Variants in RANBP2 observed in about 807,000 individuals in gnomAD.
The protein encoded by RANBP2 is E3 SUMO-protein ligase RanBP2.
In RANBP2, 57 loss-of-function variants were observed where a neutral mutation model predicts 303.6. The ratio of observed to expected loss-of-function variants is 0.19; its 90% confidence interval spans 0.15 to 0.23. The LOEUF (loss-of-function observed/expected upper bound fraction) is 0.23. Among genes scored for constraint, RANBP2 ranks in the 10% least tolerant of loss-of-function variants. The pLI is 1.00. For synonymous variants in RANBP2, 1,167 were observed against 1,301.5 expected (o/e 0.90, Z 2.23); for missense variants, 3,138 against 3,780.8 (o/e 0.83, Z 4.46).
chr2:109,657,923 T>C, the RANBP2 span, among the ~76,000 whole-genome samples: 2 of 151,738 alleles, frequency 1.3e-5, no homozygotes, highest in Non-Finnish European at 2.9e-5. Context: ...TTTAACGCTA[T>C]TGGCCAGGCT....
At chr2:109,372,046 G>A in the RANBP2 span, among the ~76,000 whole-genome samples, 1 of 152,198 alleles carries the variant, frequency 6.6e-6, no homozygotes, top group African/African-American at 2.4e-5. Flanking sequence ...GAGCACCAGA[G>A]GGGAAGAACC....
At chr2:109,068,178 C>T in the RANBP2 span, among the ~76,000 whole-genome samples, 7 of 152,224 alleles carry the variant, frequency 4.6e-5, no homozygotes, top group Non-Finnish European at 8.8e-5. Flanking sequence ...CACACCATGT[C>T]GTTTACTTTT....
chr2:108,921,290 C>G, the RANBP2 span, among the ~76,000 whole-genome samples: 1 of 152,196 alleles, frequency 6.6e-6, no homozygotes, highest in Non-Finnish European at 1.5e-5. Flanking sequence ...GGTGTCTCCC[C>G]TGCAGCTGCG....
chr2:109,471,386 A>G, the RANBP2 span, among the ~76,000 whole-genome samples: 35 of 152,128 alleles, frequency 2.3e-4, no homozygotes, highest in Non-Finnish European at 2.8e-4. Flanking sequence ...GAGAAGAGAA[A>G]GTGAAGGGGG....
the RANBP2 span, among the ~76,000 whole-genome samples, chr2:109,014,989 A>G: frequency 9.2e-5 from 14 of 151,888 alleles, no homozygotes; most frequent in East Asian, 7.7e-4. Context: ...GCGTGGTGGC[A>G]CATGCCTGTA....
intron 18 of RANBP2, among the ~76,000 whole-genome samples, chr2:108,759,675 G>C (rs577599257): frequency 6.6e-6 from 1 of 151,336 alleles, no homozygotes; most frequent in South Asian, 2.1e-4. Flanking sequence ...ATAAGTCATA[G>C]ATAAGTATAT....
the RANBP2 span, among the ~76,000 whole-genome samples, chr2:109,223,684 C>G: frequency 3.3e-5 from 5 of 152,202 alleles, no homozygotes; most frequent in African/African-American, 7.2e-5. Flanking sequence ...TTCTGCCCCC[C>G]ACGTGATGCT....
chr2:109,583,772 G>A, the RANBP2 span, among the ~76,000 whole-genome samples: 1 of 152,160 alleles, frequency 6.6e-6, no homozygotes, highest in East Asian at 1.9e-4. Context: ...TAAAACAAGT[G>A]TGGTACATAC....
chr2:108,732,854 C>T (rs1695280809), intron 4 of RANBP2, among the ~76,000 whole-genome samples: 1 of 152,132 alleles, frequency 6.6e-6, no homozygotes, highest in African/African-American at 2.4e-5. Context: ...GACGGAGTCT[C>T]GCTCTATTGC....
chr2:109,201,472 CTCTT>C, the RANBP2 span, among the ~76,000 whole-genome samples: 2 of 152,184 alleles, frequency 1.3e-5, no homozygotes, highest in Non-Finnish European at 2.9e-5. Flanking sequence ...ACCTCTCTCT[CTCTT>C]ATCTCTCTCT....
chr2:109,716,248 T>A, the RANBP2 span, among the ~76,000 whole-genome samples: 78,795 of 151,654 alleles, frequency 0.52, 22,979 homozygotes, highest in Non-Finnish European at 0.65. Flanking sequence ...TTATTTTTTT[T>A]AAAAAAAATT....
At chr2:109,524,469 A>AAAAAAAAAAAAAAAAAAAAAC in the RANBP2 span, among the ~76,000 whole-genome samples, 2 of 80,878 alleles carry the variant, frequency 2.5e-5, no homozygotes, top group African/African-American at 8.9e-5. Flanking sequence ...AAAAAAAACA[A>AAAAAAAAAAAAAAAAAAAAAC]AACAACACTG....
the RANBP2 span, among the ~76,000 whole-genome samples, chr2:109,236,759 C>T: frequency 6.6e-6 from 1 of 152,162 alleles, no homozygotes; most frequent in Non-Finnish European, 1.5e-5. Context: ...CAAACTGGTG[C>T]TGCCCTGAAG....
the RANBP2 span, chr2:109,613,912 G>A: frequency 9.8e-6 from 12 of 1,227,644 alleles, no homozygotes; most frequent in Middle Eastern, 3.1e-4. Context: ...GAAGGCCGGA[G>A]GGCAGAAGCA....
At chr2:109,685,595 C>CCCCT in the RANBP2 span, among the ~76,000 whole-genome samples, 4 of 152,184 alleles carry the variant, frequency 2.6e-5, no homozygotes, top group South Asian at 6.2e-4. Flanking sequence ...CAGCCCTTGC[C>CCCCT]CCCTGCACGG....
the RANBP2 span, among the ~76,000 whole-genome samples, chr2:109,266,310 T>C: frequency 6.6e-6 from 1 of 151,628 alleles, no homozygotes; most frequent in Non-Finnish European, 1.5e-5. Flanking sequence ...GTGTTGTGTG[T>C]GTGTTGTATG....
At chr2:109,573,887 T>C in the RANBP2 span, among the ~76,000 whole-genome samples, 7 of 152,342 alleles carry the variant, frequency 4.6e-5, no homozygotes, top group African/African-American at 1.4e-4. Flanking sequence ...AATTAAAATG[T>C]ATTTTACGAC....
chr2:108,746,807 A>G lies in RANBP2; in HGVS notation c.1063+9A>G. ...CCGACTGAGCCAATCAGGTAATAGTAATATTAAACTAATTTAATTTAAAAA... is the reference window on the plus strand; with the variant it reads ...CCGACTGAGCCAATCAGGTAATAGTGATATTAAACTAATTTAATTTAAAAA... On this transcript the variant is annotated intron_variant, in intron 8 of 28. Coordinates refer to ENST00000283195, the MANE Select transcript of RANBP2 (RefSeq NM_006267.5). 3 of 847,810 alleles carry G rather than the reference A, an allele frequency of 3.5e-6. No homozygotes were observed. Among genetic ancestry groups the G allele is most frequent in the Non-Finnish European group, 5.4e-6 (3 of 550,584 alleles). The allele number at this position is 847,810 out of a possible 1,614,324, so 52.5% of individuals were successfully genotyped here.
At chr2:109,563,947 C>T in the RANBP2 span, among the ~76,000 whole-genome samples, 4 of 152,034 alleles carry the variant, frequency 2.6e-5, no homozygotes, top group Non-Finnish European at 5.9e-5. Flanking sequence ...ATAGTAAGAC[C>T]CTGTCTCTAC....
Sources: allele counts gnomAD v4.1 joint callset (sites outside exome capture counted in the v4.1 genomes callset), GRCh38; gene constraint gnomAD v4.1.1; transcripts MANE v1.5; gene names NCBI Gene and HGNC (gene_info 2026-07-23, HGNC 2026-07-21).